The following ACTN2 variants were observed in gnomAD, a reference collection of about 807,000 sequenced individuals.
ACTN2 encodes the protein alpha-actinin-2.
A neutral mutation model predicts 113.8 loss-of-function variants in ACTN2; 39 were observed. That is an observed-to-expected ratio of 0.34 (90% CI 0.27 to 0.45). ACTN2 has a LOEUF of 0.45. Among genes scored for constraint, ACTN2 ranks in the 20% least tolerant of loss-of-function variants. The pLI, the probability that ACTN2 is intolerant of heterozygous loss-of-function variation, is 1.00. For missense variants in ACTN2, 992 were observed against 1,177.9 expected (o/e 0.84, Z 2.31); for synonymous variants, 429 against 444.1 (o/e 0.97, Z 0.43).
chr1:236,737,026 A>G (rs553766136), intron 8 of ACTN2, 96 bp from the exon 9 acceptor site: 1 of 1,002,458 alleles, frequency 1.0e-6, no homozygotes, highest in East Asian at 2.6e-5. Flanking sequence ...ACAGCACGCC[A>G]CCCTCCTCGT....
intron 7 of ACTN2, among the ~76,000 whole-genome samples, chr1:236,735,328 G>A (rs760600160): frequency 2.6e-5 from 4 of 152,296 alleles, no homozygotes; most frequent in Admixed American, 1.3e-4. Flanking sequence ...GCTCTGATCT[G>A]CAACAGACCA....
chr1:236,693,381 T>A (rs1222637645), intron 1 of ACTN2, among the ~76,000 whole-genome samples: 1 of 152,124 alleles, frequency 6.6e-6, no homozygotes, highest in African/African-American at 2.4e-5. Flanking sequence ...CCATGGCCCT[T>A]AAGGAGCTTA....
At chr1:236,698,500 A>C (rs1280609083) in intron 1 of ACTN2, among the ~76,000 whole-genome samples, 1 of 152,212 alleles carries the variant, frequency 6.6e-6, no homozygotes, top group Non-Finnish European at 1.5e-5. Context: ...GCAGGTATTC[A>C]GGTGGTCAGA....
At chr1:236,761,334 C>T (rs192072451) in intron 20 of ACTN2, among the ~76,000 whole-genome samples, 161 bp downstream of exon 20, 13 of 152,312 alleles carry the variant, frequency 8.5e-5, no homozygotes, top group South Asian at 6.2e-4. Flanking sequence ...ACAACAATGG[C>T]GCGCCCAGCA....
chr1:236,752,144 G>A (rs771743275), intron 15 of ACTN2, among the ~76,000 whole-genome samples: 6 of 152,146 alleles, frequency 3.9e-5, no homozygotes, highest in South Asian at 2.1e-4. Flanking sequence ...GGCAACTATC[G>A]ACAAATGTAA....
At chr1:236,742,010 G>A (rs12090481) in intron 10 of ACTN2, among the ~76,000 whole-genome samples, 25,083 of 151,978 alleles carry the variant, frequency 0.17, 2,093 homozygotes, top group South Asian at 0.2. Context: ...CCTCTTGGGC[G>A]TTCGAGTTTT....
chr1:236,739,910 TC>T (rs1659016205), intron 10 of ACTN2, among the ~76,000 whole-genome samples: 2 of 152,042 alleles, frequency 1.3e-5, no homozygotes, highest in South Asian at 4.2e-4. Context: ...CCTCCATTTA[TC>T]TCCCTCTCTT....
At chr1:236,697,132 G>C (rs1558222218) in intron 1 of ACTN2, among the ~76,000 whole-genome samples, 1 of 152,176 alleles carries the variant, frequency 6.6e-6, no homozygotes, top group Non-Finnish European at 1.5e-5. Flanking sequence ...TTTGAAGCCA[G>C]GTACAGCAAC....
chr1:236,739,654 A>G (rs1426601687), intron 10 of ACTN2, 122 bp downstream of exon 10: 3 of 1,229,176 alleles, frequency 2.4e-6, no homozygotes, highest in Non-Finnish European at 1.2e-6. Context: ...TGTGAATATC[A>G]TTTTGGCCCT....
At chr1:236,712,729 G>C (rs1658066163) in intron 1 of ACTN2, among the ~76,000 whole-genome samples, 1 of 152,120 alleles carries the variant, frequency 6.6e-6, no homozygotes, top group Non-Finnish European at 1.5e-5. Context: ...GGGTCAGGAA[G>C]CTTGGGATTT....
intron 1 of ACTN2, among the ~76,000 whole-genome samples, chr1:236,692,409 T>C (rs1222082516): frequency 6.6e-6 from 1 of 152,206 alleles, no homozygotes; most frequent in East Asian, 1.9e-4. Flanking sequence ...GTTAAGTATT[T>C]ACAGGATGTG....
chr1:236,701,996 T>TA (rs1179676493), intron 1 of ACTN2, among the ~76,000 whole-genome samples: 4 of 152,180 alleles, frequency 2.6e-5, no homozygotes, highest in Admixed American at 2.0e-4. Flanking sequence ...TCTATTGCTG[T>TA]AACTGGTATC....
intron 4 of ACTN2, among the ~76,000 whole-genome samples, chr1:236,722,558 C>A (rs1453553485): frequency 1.4e-5 from 2 of 140,902 alleles, no homozygotes; most frequent in African/African-American, 5.3e-5. Context: ...TCGCTTGAAC[C>A]TGGGAGGTGG....
At chr1:236,735,606 G>A (rs760174183) in intron 7 of ACTN2, 29 bp from the exon 8 acceptor site, 29 of 1,572,350 alleles carry the variant, frequency 1.8e-5, no homozygotes, top group Admixed American at 1.0e-4. Flanking sequence ...GTGTGTGCGC[G>A]CGTCCTGTGT....
chr1:236,725,826 C>A (rs1050379370), intron 4 of ACTN2, 107 bp from the exon 5 acceptor site: 9 of 953,496 alleles, frequency 9.4e-6, no homozygotes, highest in South Asian at 2.6e-5. Context: ...TAGGAAGAGA[C>A]CCCCTGGGTG....
chr1:236,706,298 GTC>G (rs928569900), intron 1 of ACTN2, among the ~76,000 whole-genome samples: 2 of 151,984 alleles, frequency 1.3e-5, no homozygotes, highest in African/African-American at 4.8e-5. Context: ...GTTCCAGAAA[GTC>G]TGACAAATGG....
intron 3 of ACTN2, 42 bp from the exon 4 acceptor site, chr1:236,720,062 AC>A: frequency 2.2e-6 from 3 of 1,366,132 alleles, no homozygotes; most frequent in Middle Eastern, 3.6e-4. Flanking sequence ...TTACGTACAG[AC>A]TATGTTATCT....
At chr1:236,713,392 T>C (rs898599725) in intron 1 of ACTN2, among the ~76,000 whole-genome samples, 2 of 152,110 alleles carry the variant, frequency 1.3e-5, no homozygotes, top group Non-Finnish European at 2.9e-5. Flanking sequence ...CATGTACAAC[T>C]AGTCTTGTAT....
Position 236,751,661 on chromosome 1 carries a change from C to T in ACTN2, c.1839+9C>T. The T allele has an allele frequency of 1.9e-6, 3 of 1,613,896 alleles. No homozygotes were observed. Among genetic ancestry groups the T allele is most frequent in the Non-Finnish European group, 2.5e-6 (3 of 1,179,850 alleles). On this transcript the variant is annotated intron_variant, in intron 15 of 20. Coordinates refer to ENST00000366578, the MANE Select transcript of ACTN2 (RefSeq NM_001103.4). Reference sequence around the variant, plus strand: ...GGACCAAGTGGGACAAGGTGGGTGGCTGAGGGCCTGGTGTGGGACCAGGGG... The same window carrying T: ...GGACCAAGTGGGACAAGGTGGGTGGTTGAGGGCCTGGTGTGGGACCAGGGG...
Sources: allele counts gnomAD v4.1 joint callset (sites outside exome capture counted in the v4.1 genomes callset), GRCh38; gene constraint gnomAD v4.1.1; transcripts MANE v1.5; gene names NCBI Gene and HGNC (gene_info 2026-07-23, HGNC 2026-07-21).